Variants in LETMD1 observed in about 807,000 individuals in gnomAD.
The protein encoded by LETMD1 is LETM1 domain containing 1.
LETMD1 carries 30 observed loss-of-function variants against 43.9 expected under a neutral mutation model. The ratio of observed to expected loss-of-function variants is 0.68; its 90% CI spans 0.51 to 0.93. LETMD1 has a LOEUF of 0.93. LETMD1 is among the 40% of genes least tolerant of loss of function. The pLI, the probability that LETMD1 is intolerant of heterozygous loss-of-function variation, is 0.00. For missense variants in LETMD1, 413 were observed against 447.7 expected (o/e 0.92, Z 0.70); for synonymous variants, 176 against 163.1 (o/e 1.08, Z -0.60).
At chr12:51,060,901 C>CACA (rs1948805518), downstream of LETMD1, among the ~76,000 whole-genome samples, 1 of 65,488 alleles carries the variant, frequency 1.5e-5, no homozygotes, top group Non-Finnish European at 3.2e-5. Flanking sequence ...GATTCTGTCT[C>CACA]AAAAAAAAAA....
At chr12:51,055,456 G>A (rs1592649931) in intron 4 of LETMD1, among the ~76,000 whole-genome samples, 1 of 152,038 alleles carries the variant, frequency 6.6e-6, no homozygotes, top group African/African-American at 2.4e-5. Context: ...CTTGAGACCA[G>A]GAGTTTGAGA....
chr12:51,049,057 C>T lies in LETMD1; in HGVS notation c.146C>T (p.Pro49Leu). 1 of 1,613,942 alleles carries T rather than the reference C, an allele frequency of 6.2e-7. No homozygotes were observed. The highest frequency in any genetic ancestry group is 8.5e-7 in the Non-Finnish European group (1 of 1,179,930). The change falls in exon 2 of 9, where the codon CCA (proline) becomes CTA (leucine). Residue 49 changes from proline (P) to leucine (L), a missense_variant. Coordinates refer to ENST00000262055, the MANE Select transcript of LETMD1 (RefSeq NM_015416.5). ...AGGTCTTCAAAGCTTCACCTTTCTC[C>T]AAAGGCAGATGTGAAGAACTTGATG... ...APRSSKLHLSPKADVKNLMSY... is the reference protein window; with the variant it reads ...APRSSKLHLSLKADVKNLMSY...
chr12:51,057,867 C>A (rs1282510786), intron 7 of LETMD1, 165 bp from the exon 8 acceptor site: 1 of 668,604 alleles, frequency 1.5e-6, no homozygotes, highest in South Asian at 1.5e-5. Context: ...CCTCGTGATC[C>A]GCCTACCTCG....
chr12:51,064,683 A>G (rs751091442), downstream of LETMD1: 2 of 1,503,626 alleles, frequency 1.3e-6, no homozygotes, highest in South Asian at 2.8e-5. Flanking sequence ...AGCGGGGACA[A>G]GAAGGTTGGG....
chr12:51,064,319 G>A (rs141168641), downstream of LETMD1: 99 of 1,614,162 alleles, frequency 6.1e-5, no homozygotes, highest in African/African-American at 1.1e-3. Flanking sequence ...CCAGGCTCTC[G>A]ATGCTCGAGT....
chr12:51,055,748 G>T, intron 4 of LETMD1, 87 bp from the exon 5 acceptor site: 1 of 769,188 alleles, frequency 1.3e-6, no homozygotes. Flanking sequence ...CTTCTTCCTA[G>T]TATTCATGTC....
intron 8 of LETMD1, chr12:51,058,416 T>C: frequency 3.4e-6 from 1 of 297,848 alleles, no homozygotes; most frequent in South Asian, 4.9e-5. Context: ...GCTTTATTTA[T>C]TTATTTATTT....
chr12:51,052,317 C>T (rs1285619947), intron 3 of LETMD1, 110 bp downstream of exon 3: 2 of 1,336,122 alleles, frequency 1.5e-6, no homozygotes, highest in Non-Finnish European at 2.0e-6. Flanking sequence ...AAGCTTTTGC[C>T]CTTTGCCGTG....
downstream of LETMD1, chr12:51,061,201 A>G (rs1411508055): frequency 6.6e-6 from 1 of 152,450 alleles, no homozygotes; most frequent in African/African-American, 2.4e-5. Flanking sequence ...AGAGTAACAC[A>G]TCATTCTTTT....
At chr12:51,055,685 A>AAC (rs1691026814) in intron 4 of LETMD1, 150 bp from the exon 5 acceptor site, 2 of 444,532 alleles carry the variant, frequency 4.5e-6, no homozygotes, top group East Asian at 7.6e-5. Context: ...AAAAAAAAAA[A>AAC]AAAAACTGAA....
At position 51,059,560 on chromosome 12, in the gene LETMD1, A is replaced by C; in HGVS notation, c.*129A>C. 2 of 796,882 alleles carry C rather than the reference A, an allele frequency of 2.5e-6. No individual in the cohort carries two copies. Among genetic ancestry groups the C allele is most frequent in the South Asian group, 2.9e-5 (2 of 69,416 alleles). 49.4% of individuals were successfully genotyped at this position (796,882 alleles called of 1,614,324 possible). A position where few individuals can be genotyped will look rare whatever the true frequency, so the allele number is the denominator to read the frequency against. ...GGAGGCAGAGAGAGGAGCAGGGGCC[A>C]TGGGCTTCACAGCATGGCACACATG... On this transcript the variant is annotated 3_prime_UTR_variant, in exon 9 of 9. Coordinates refer to ENST00000262055, the MANE Select transcript of LETMD1 (RefSeq NM_015416.5).
downstream of LETMD1, chr12:51,064,607 G>A: frequency 6.3e-7 from 1 of 1,584,116 alleles, no homozygotes; most frequent in Non-Finnish European, 8.6e-7. Flanking sequence ...TAAATTCAAT[G>A]CGTCCTGCCA....
the LETMD1 span, among the ~76,000 whole-genome samples, chr12:51,065,477 A>T: frequency 1.2e-4 from 19 of 152,202 alleles, no homozygotes; most frequent in Admixed American, 3.9e-4. Context: ...GACTTATAGA[A>T]ATCTCCACTC....
chr12:51,057,816 G>A (rs1456394619), intron 7 of LETMD1: 4 of 543,846 alleles, frequency 7.4e-6, no homozygotes, highest in South Asian at 3.8e-5. Context: ...TAGTAGAGAT[G>A]GTGTTTCACC....
At position 51,059,356 on chromosome 12, in the gene LETMD1, T is replaced by A; in HGVS notation, c.1013-5T>A. On this transcript the variant is annotated splice_polypyrimidine_tract_variant and splice_region_variant and intron_variant, in intron 8 of 8. Transcript: ENST00000262055. ...CAAGCCAAACCACTAACACTGTGTT[T>A]TCAGAAGCTGAGCTGTCTCTCTTGC... is the stretch of plus-strand genomic sequence containing the variant. The A allele has an allele frequency of 6.2e-7, 1 of 1,614,082 alleles. No homozygotes were observed.
downstream of LETMD1, chr12:51,064,687 G>GGTT (rs1312628247): frequency 6.7e-7 from 1 of 1,500,276 alleles, no homozygotes; most frequent in African/African-American, 1.4e-5. Flanking sequence ...GGGACAAGAA[G>GGTT]GTTGGGGCAA....
intron 7 of LETMD1, chr12:51,057,642 T>G: frequency 5.3e-6 from 1 of 186,982 alleles, no homozygotes; most frequent in Non-Finnish European, 1.1e-5. Flanking sequence ...TTTTTTTTTT[T>G]TGAGACAGAG....
At chr12:51,053,557 C>T (rs1224735343) in intron 3 of LETMD1, among the ~76,000 whole-genome samples, 3 of 152,114 alleles carry the variant, frequency 2.0e-5, no homozygotes, top group East Asian at 3.9e-4. Context: ...GCAGGAGGAT[C>T]ACTTGAACCC....
At chr12:51,049,481 A>T (rs1592528507) in intron 2 of LETMD1, 1 of 305,276 alleles carries the variant, frequency 3.3e-6, no homozygotes, top group East Asian at 6.6e-5. Flanking sequence ...TTTGCCTTGC[A>T]CACGGCAGGG....
Sources: gnomAD v4.1 joint callset for allele counts (sites outside exome capture counted in the v4.1 genomes callset) on GRCh38, gnomAD v4.1.1 for gene constraint, MANE v1.5 for transcripts, NCBI Gene and HGNC (gene_info 2026-07-23, HGNC 2026-07-21) for gene names.